The following RALGAPA1 variants were observed in gnomAD, a reference collection of about 807,000 sequenced individuals.
The protein encoded by RALGAPA1 is ral GTPase-activating protein subunit alpha-1.
Under a neutral mutation model 269.6 loss-of-function variants are expected in RALGAPA1, and 52 were observed. The observed-to-expected ratio is 0.19, with a 90% CI of 0.15 to 0.24. The LOEUF is 0.24. Ranked by LOEUF, RALGAPA1 falls within the 10% of genes least tolerant of loss-of-function variation. The probability of loss-of-function intolerance (pLI) is 1.00; values close to 1 mark genes in which losing one functional copy is unlikely to be tolerated. For synonymous variants in RALGAPA1, 817 were observed against 1,008.3 expected (o/e 0.81, Z 3.60); for missense variants, 1,917 against 3,013.9 (o/e 0.64, Z 8.52).
chr14:35,613,591 T>C (rs1338589244), intron 35 of RALGAPA1, among the ~76,000 whole-genome samples: 6 of 152,254 alleles, frequency 3.9e-5, no homozygotes, highest in Non-Finnish European at 5.9e-5. Context: ...TCTAAGATTC[T>C]AGCTGTTGCT....
At chr14:35,719,893 GGCACAT>G (rs2069222773) in intron 16 of RALGAPA1, among the ~76,000 whole-genome samples, 1 of 152,050 alleles carries the variant, frequency 6.6e-6, no homozygotes, top group African/African-American at 2.4e-5. Flanking sequence ...TGGGATTACA[GGCACAT>G]GCCACCATGC....
At chr14:35,617,637 TGGGGGGGGG>T (rs1221537442) in intron 35 of RALGAPA1, among the ~76,000 whole-genome samples, 2 of 4,886 alleles carry the variant, frequency 4.1e-4, no homozygotes, top group Admixed American at 9.3e-3. Context: ...GTGTGTGGGG[TGGGGGGGGG>T]GGGGGGAAGG....
At chr14:35,737,783 A>G (rs1359886867) in intron 12 of RALGAPA1, among the ~76,000 whole-genome samples, 7 of 144,090 alleles carry the variant, frequency 4.9e-5, no homozygotes, top group African/African-American at 1.3e-4. Flanking sequence ...AAAAAAAAAA[A>G]AAAAAAAAAA....
At chr14:35,649,688 A>G (rs1335518735) in intron 31 of RALGAPA1, among the ~76,000 whole-genome samples, 1 of 152,176 alleles carries the variant, frequency 6.6e-6, no homozygotes, top group South Asian at 2.1e-4. Context: ...TTTTTCCTAA[A>G]TATGCCTTTC....
intron 35 of RALGAPA1, among the ~76,000 whole-genome samples, chr14:35,608,293 T>C (rs989955937): frequency 7.9e-5 from 12 of 152,180 alleles, no homozygotes; most frequent in African/African-American, 2.7e-4. Context: ...GTAAGGGGAC[T>C]AAGCACAAAC....
intron 18 of RALGAPA1, among the ~76,000 whole-genome samples, 148 bp downstream of exon 18, chr14:35,688,296 TGCTGGGAAAAATACA>T (rs2066135135): frequency 6.6e-6 from 1 of 152,352 alleles, no homozygotes; most frequent in Admixed American, 6.5e-5. Flanking sequence ...AAACATTCTA[TGCTGGGAAAAATACA>T]GCTGGGAAAA....
chr14:35,698,435 T>C (rs2140569526), intron 17 of RALGAPA1, among the ~76,000 whole-genome samples: 1 of 152,292 alleles, frequency 6.6e-6, no homozygotes, highest in Middle Eastern at 3.4e-3. Context: ...AGAAATTCTG[T>C]AAATCCCTTA....
At chr14:35,728,315 T>G in intron 13 of RALGAPA1, 47 bp downstream of exon 13, 3 of 1,454,646 alleles carry the variant, frequency 2.1e-6, no homozygotes, top group Admixed American at 4.8e-5. Flanking sequence ...ACTATACCTG[T>G]GTACACAATA....
intron 31 of RALGAPA1, among the ~76,000 whole-genome samples, chr14:35,650,109 C>T (rs114590156): frequency 0.044 from 6,712 of 152,196 alleles, 391 homozygotes; most frequent in South Asian, 0.14. Flanking sequence ...AGGTAGCTCA[C>T]GCCTGTAATC....
chr14:35,602,125 T>C (rs191589189), intron 36 of RALGAPA1, among the ~76,000 whole-genome samples: 2 of 152,350 alleles, frequency 1.3e-5, no homozygotes, highest in East Asian at 3.9e-4. Flanking sequence ...CAAGGTACAT[T>C]CATGCTGTAG....
chr14:35,700,421 T>G, intron 16 of RALGAPA1, 119 bp from the exon 17 acceptor site: 667 of 504,708 alleles, frequency 1.3e-3, no homozygotes, highest in Non-Finnish European at 1.8e-3. Context: ...GGAAGGAAAT[T>G]ATAAATTAAA....
At chr14:35,580,058 C>A (rs907943053) in intron 37 of RALGAPA1, among the ~76,000 whole-genome samples, 1 of 152,116 alleles carries the variant, frequency 6.6e-6, no homozygotes, top group East Asian at 1.9e-4. Context: ...ATTTGCACAA[C>A]TATTGTGAGT....
chr14:35,571,478 C>G (rs2057187330), intron 38 of RALGAPA1, among the ~76,000 whole-genome samples: 1 of 151,928 alleles, frequency 6.6e-6, no homozygotes, highest in Admixed American at 6.6e-5. Context: ...AGTTCGAGAC[C>G]AGCCTGACCA....
At chr14:35,782,355 T>C (rs1486546366) in intron 1 of RALGAPA1, among the ~76,000 whole-genome samples, 2 of 151,480 alleles carry the variant, frequency 1.3e-5, no homozygotes, top group African/African-American at 4.9e-5. Flanking sequence ...TGTTCATGAG[T>C]AAGACTGAAT....
chr14:35,637,338 A>G (rs2061727493), intron 31 of RALGAPA1, among the ~76,000 whole-genome samples: 1 of 152,242 alleles, frequency 6.6e-6, no homozygotes, highest in East Asian at 1.9e-4. Context: ...GAAGAAATTC[A>G]GAATCCTATG....
chr14:35,576,373 AG>A (rs1481323311), intron 37 of RALGAPA1, among the ~76,000 whole-genome samples: 1 of 152,242 alleles, frequency 6.6e-6, no homozygotes, highest in Non-Finnish European at 1.5e-5. Flanking sequence ...CTAGAACTAA[AG>A]AAGGGATTTC....
chr14:35,785,810 G>A (rs1042475358), intron 1 of RALGAPA1, among the ~76,000 whole-genome samples: 1 of 152,158 alleles, frequency 6.6e-6, no homozygotes, highest in Non-Finnish European at 1.5e-5. Context: ...AGCTGTTGCA[G>A]AACTGTAATA....
At chr14:35,766,253 T>C in intron 4 of RALGAPA1, 1 of 803,526 alleles carries the variant, frequency 1.2e-6, no homozygotes. Flanking sequence ...GTGTGGATGA[T>C]GCAGCAATTG....
chr14:35,633,957 T>C (rs1227728994), intron 33 of RALGAPA1, among the ~76,000 whole-genome samples: 2 of 152,178 alleles, frequency 1.3e-5, no homozygotes, highest in Admixed American at 6.5e-5. Context: ...GCTTTACATA[T>C]ATTATCTTAC....
Sources: allele counts gnomAD v4.1 joint callset (sites outside exome capture counted in the v4.1 genomes callset), GRCh38; gene constraint gnomAD v4.1.1; transcripts MANE v1.5; gene names NCBI Gene and HGNC (gene_info 2026-07-23, HGNC 2026-07-21).